Variants in GATAD2B observed in about 807,000 individuals in gnomAD.
The protein encoded by GATAD2B is transcriptional repressor p66-beta.
In GATAD2B, 8 loss-of-function variants were observed where a neutral mutation model predicts 64.3. The observed-to-expected ratio is 0.12, with a 90% CI of 0.07 to 0.22. The LOEUF (loss-of-function observed/expected upper bound fraction) is 0.22, where lower values mean the gene tolerates loss of function less well. Ranked by LOEUF, GATAD2B falls within the 10% of genes least tolerant of loss-of-function variation. GATAD2B has a pLI of 1.00. For missense variants in GATAD2B, 453 were observed against 752.0 expected (o/e 0.60, Z 4.65); for synonymous variants, 281 against 271.3 (o/e 1.04, Z -0.35).
rs1674176197 is a variant in GATAD2B, at chr1:153,808,501, TA to T, written c.*1675del. 6.6e-6 allele frequency: 1 copy of T among 152,610 alleles called. No individual in the cohort carries two copies. Among genetic ancestry groups the T allele is most frequent in the African/African-American group, 2.4e-5 (1 of 41,450 alleles). 9.5% of individuals were successfully genotyped at this position (152,610 alleles called of 1,614,324 possible). A position where few individuals can be genotyped will look rare whatever the true frequency, so the allele number is the denominator to read the frequency against. On this transcript the variant is annotated 3_prime_UTR_variant, in exon 11 of 11. Transcript: ENST00000368655. ...TAAAAAATTACTTAATTTTAAAAAA[TA>T]AAAGTGGGGAAACTTCCTCAGGTGA...
At chr1:153,852,319 T>A in intron 1 of GATAD2B, 1 of 996,988 alleles carries the variant, frequency 1.0e-6, no homozygotes, top group South Asian at 1.3e-5. Flanking sequence ...AGACACTTCC[T>A]CAAAGGAGGC....
intron 1 of GATAD2B, among the ~76,000 whole-genome samples, chr1:153,855,085 T>C (rs1011589845): frequency 6.6e-6 from 1 of 152,188 alleles, no homozygotes; most frequent in African/African-American, 2.4e-5. Flanking sequence ...TATGGGGAAC[T>C]GGGTAAATTT....
chr1:153,887,882 T>G (rs894341956), intron 1 of GATAD2B, among the ~76,000 whole-genome samples: 1 of 151,436 alleles, frequency 6.6e-6, no homozygotes, highest in South Asian at 2.1e-4. Context: ...AGGACAGGAG[T>G]TGGAAACCAC....
chr1:153,870,703 T>A (rs890486270), intron 1 of GATAD2B, among the ~76,000 whole-genome samples: 2 of 152,224 alleles, frequency 1.3e-5, no homozygotes, highest in African/African-American at 4.8e-5. Flanking sequence ...GCTATATGTT[T>A]AAGGTATATA....
chr1:153,899,340 G>A (rs1677696414), intron 1 of GATAD2B, among the ~76,000 whole-genome samples: 1 of 152,036 alleles, frequency 6.6e-6, no homozygotes, highest in Admixed American at 6.6e-5. Context: ...AGGCCAAGGT[G>A]GGCGGATCAC....
rs1462761734 is a variant in GATAD2B at position 153,809,759 on chromosome 1, T to C, written c.*418A>G. Reference sequence around the variant, plus strand: ...AGAAAAGGAAAAAGAAAAAGATTGGTTGAGTGGGGGAAGGTTTAACCGTCC... The same window carrying C: ...AGAAAAGGAAAAAGAAAAAGATTGGCTGAGTGGGGGAAGGTTTAACCGTCC... On this transcript the variant is annotated 3_prime_UTR_variant, in exon 11 of 11. Transcript: ENST00000368655. 1 of 151,422 alleles carries C rather than the reference T, an allele frequency of 6.6e-6. No individual in the cohort carries two copies. The highest frequency in any genetic ancestry group is 1.5e-5 in the Non-Finnish European group (1 of 68,950). 9.4% of individuals were successfully genotyped at this position (151,422 alleles called of 1,614,324 possible).
chr1:153,890,627 T>G lies in GATAD2B; in HGVS notation c.-2+32106A>C, dbSNP rs1005818285. ...GCAGAGGATGAAAAAGCGGCTGGAG[T>G]TGATCAACTCTAGGCTCCAACTTAT... On this transcript the variant is annotated intron_variant, in intron 1 of 10. Transcript: ENST00000368655. 6.6e-5 allele frequency: 10 copies of G among 151,258 alleles called. No homozygotes were observed. The East Asian group carries it at 1.9e-3, about 29-fold the overall frequency. 9.4% of individuals were successfully genotyped at this position (151,258 alleles called of 1,614,324 possible).
At chr1:153,813,569 A>G in intron 7 of GATAD2B, 117 bp from the exon 8 acceptor site, 1 of 699,912 alleles carries the variant, frequency 1.4e-6, no homozygotes, top group East Asian at 2.7e-5. Flanking sequence ...AGACTTTACA[A>G]AAAGGATATT....
At chr1:153,812,205 TTTTA>T in intron 8 of GATAD2B, 73 bp from the exon 9 acceptor site, 1 of 852,944 alleles carries the variant, frequency 1.2e-6, no homozygotes, top group Non-Finnish European at 1.9e-6. Context: ...TTTTTTTTTT[TTTTA>T]AACAGAGACA....
At chr1:153,911,912 G>A (rs994888089) in intron 1 of GATAD2B, among the ~76,000 whole-genome samples, 6 of 152,024 alleles carry the variant, frequency 3.9e-5, no homozygotes, top group African/African-American at 1.4e-4. Context: ...ACTGAATCTA[G>A]AACACAACAC....
chr1:153,822,976 G>A (rs1387271535), intron 2 of GATAD2B, among the ~76,000 whole-genome samples: 3 of 151,800 alleles, frequency 2.0e-5, no homozygotes, highest in African/African-American at 7.3e-5. Context: ...GTAGAGAAGG[G>A]GTCTCCTTAT....
At chr1:153,866,982 G>A (rs754558668) in intron 1 of GATAD2B, among the ~76,000 whole-genome samples, 3 of 152,072 alleles carry the variant, frequency 2.0e-5, no homozygotes, top group Non-Finnish European at 2.9e-5. Context: ...GTTTCACCAT[G>A]TTGGTCAGGA....
At chr1:153,876,082 G>C (rs1344206886) in intron 1 of GATAD2B, among the ~76,000 whole-genome samples, 1 of 151,864 alleles carries the variant, frequency 6.6e-6, no homozygotes, top group Non-Finnish European at 1.5e-5. Flanking sequence ...ACAAAAATTA[G>C]CTGGGTGTGG....
rs192809099 is a variant in GATAD2B at position 153,858,579 on chromosome 1, T to A, written c.-1-30231A>T. ...GAGATCATGCCATTGCATTCCAGCC[T>A]GGGGAACAGAGCGAGACCATGTCTC... On this transcript the variant is annotated intron_variant, in intron 1 of 10. Transcript: ENST00000368655. 2.0e-4 allele frequency among the ~76,000 whole-genome samples: 31 copies of A among 152,126 alleles called. 2 individuals carry two copies. In the East Asian group the frequency reaches 5.2e-3, roughly 26 times the overall value.
At chr1:153,852,955 C>T (rs184443570) in intron 1 of GATAD2B, 1 of 883,354 alleles carries the variant, frequency 1.1e-6, no homozygotes, top group Admixed American at 1.7e-5. Context: ...AATGCTGCCA[C>T]TGACACAGAC....
At chr1:153,818,536 G>A (rs1304186914) in intron 4 of GATAD2B, among the ~76,000 whole-genome samples, 4 of 151,696 alleles carry the variant, frequency 2.6e-5, no homozygotes, top group Admixed American at 6.6e-5. Context: ...GGATGCTCTC[G>A]ATCTCCTGAC....
At chr1:153,817,565 G>T in intron 5 of GATAD2B, 23 bp from the exon 6 acceptor site, 2 of 1,559,244 alleles carry the variant, frequency 1.3e-6, no homozygotes, top group South Asian at 1.2e-5. Context: ...AAGAGGAAAA[G>T]AACTAATCAC....
At chr1:153,907,633 G>A (rs1180879316) in intron 1 of GATAD2B, among the ~76,000 whole-genome samples, 2 of 151,618 alleles carry the variant, frequency 1.3e-5, no homozygotes, top group Non-Finnish European at 2.9e-5. Flanking sequence ...CTTTAAAAGG[G>A]TAAATTTTTT....
rs762949702 is a variant in GATAD2B at position 153,813,367 on chromosome 1, T to C, written c.1302A>G (p.Glu434=). The change falls in exon 8 of 11, where the codon GAA becomes GAG. Residue 434 remains glutamate (E), a synonymous_variant. Coordinates refer to ENST00000368655, the MANE Select transcript of GATAD2B (RefSeq NM_020699.4). ...RTDFTPHWKQ[E]KNGKILCEQC... ...GCTCACATAGAATCTTACCATTCTT[T>C]TCTTGCTTCCAGTGAGGGGTGAAAT... The C allele has an allele frequency of 1.2e-6, 2 of 1,614,146 alleles. No individual in the cohort carries two copies. Among genetic ancestry groups the C allele is most frequent in the South Asian group, 1.1e-5 (1 of 91,088 alleles).
Sources: gnomAD v4.1 joint callset for allele counts (sites outside exome capture counted in the v4.1 genomes callset) on GRCh38, gnomAD v4.1.1 for gene constraint, MANE v1.5 for transcripts, NCBI Gene and HGNC (gene_info 2026-07-23, HGNC 2026-07-21) for gene names.